DCC: variants seen among roughly 807,000 people sequenced by gnomAD.
DCC encodes the protein netrin receptor DCC.
In DCC, 58 loss-of-function variants were observed where a neutral mutation model predicts 172.5. That is an observed-to-expected ratio of 0.34 (90% CI 0.27 to 0.42). DCC has a LOEUF of 0.42. Among genes scored for constraint, DCC ranks in the 10% least tolerant of loss-of-function variants. DCC has a pLI of 1.00. For missense variants in DCC, 1,740 were observed against 1,791.0 expected (o/e 0.97, Z 0.51); for synonymous variants, 709 against 644.5 (o/e 1.10, Z -1.52).
At chr18:52,477,836 C>G (rs1005816892) in intron 1 of DCC, among the ~76,000 whole-genome samples, 5 of 152,124 alleles carry the variant, frequency 3.3e-5, no homozygotes, top group African/African-American at 1.2e-4. Flanking sequence ...CCAATAAACC[C>G]TAACTTTTTA....
At chr18:52,688,161 A>G (rs1599019834) in intron 1 of DCC, among the ~76,000 whole-genome samples, 1 of 151,614 alleles carries the variant, frequency 6.6e-6, no homozygotes, top group Admixed American at 6.6e-5. Context: ...ATAATTAACA[A>G]TGACTTTTGC....
At chr18:53,492,526 C>T (rs1440047320) in intron 26 of DCC, among the ~76,000 whole-genome samples, 1 of 152,180 alleles carries the variant, frequency 6.6e-6, no homozygotes, top group East Asian at 1.9e-4. Context: ...CTGCATATGG[C>T]TAGCCAGTTT....
chr18:53,520,181 C>T (rs2046384282), intron 27 of DCC, among the ~76,000 whole-genome samples: 1 of 152,098 alleles, frequency 6.6e-6, no homozygotes, highest in South Asian at 2.1e-4. Flanking sequence ...TCTAGGAAAG[C>T]TTCATGTGGA....
intron 1 of DCC, among the ~76,000 whole-genome samples, chr18:52,686,640 C>A (rs1185255346): frequency 6.6e-6 from 1 of 152,128 alleles, no homozygotes; most frequent in Non-Finnish European, 1.5e-5. Context: ...TGGACAATTT[C>A]TATTTCTTGT....
At chr18:53,526,835 G>C in intron 28 of DCC, 76 bp downstream of exon 28, 1 of 1,375,286 alleles carries the variant, frequency 7.3e-7, no homozygotes, top group Non-Finnish European at 1.0e-6. Context: ...CTAAACCAAT[G>C]AGTACTGTCC....
At chr18:52,397,394 G>A (rs943358010) in intron 1 of DCC, among the ~76,000 whole-genome samples, 1 of 151,974 alleles carries the variant, frequency 6.6e-6, no homozygotes, top group African/African-American at 2.4e-5. Flanking sequence ...CCTAGAGCAG[G>A]TCCTCACACA....
chr18:52,582,279 G>A (rs1224267466), intron 1 of DCC, among the ~76,000 whole-genome samples: 1 of 152,146 alleles, frequency 6.6e-6, no homozygotes, highest in Non-Finnish European at 1.5e-5. Flanking sequence ...CTATTTATGT[G>A]TTATTAGAAA....
intron 1 of DCC, among the ~76,000 whole-genome samples, chr18:52,637,188 T>G (rs576057051): frequency 3.3e-5 from 5 of 152,262 alleles, no homozygotes; most frequent in African/African-American, 1.2e-4. Context: ...GCCCTAGACC[T>G]TCCCTCTGAC....
At chr18:52,813,244 A>AAAGACATAGTTGTCTAGCCTTAACATTT (rs138749433) in intron 2 of DCC, among the ~76,000 whole-genome samples, 1 of 151,984 alleles carries the variant, frequency 6.6e-6, no homozygotes, top group African/African-American at 2.4e-5. Flanking sequence ...GTAGTTCACT[A>AAAGACATAGTTGTCTAGCCTTAACATTT]AATGCCACAT....
intron 12 of DCC, among the ~76,000 whole-genome samples, chr18:53,253,420 T>G (rs2056464956): frequency 6.6e-6 from 1 of 152,032 alleles, no homozygotes; most frequent in Non-Finnish European, 1.5e-5. Context: ...AAATAACTTG[T>G]CCAAGGCCAC....
At chr18:52,498,267 C>T (rs1018552768) in intron 1 of DCC, among the ~76,000 whole-genome samples, 6 of 152,212 alleles carry the variant, frequency 3.9e-5, no homozygotes, top group East Asian at 1.9e-4. Flanking sequence ...TTGGGTTGCC[C>T]TTGGTGCTTG....
At chr18:52,575,688 A>G (rs2033392959) in intron 1 of DCC, among the ~76,000 whole-genome samples, 2 of 152,168 alleles carry the variant, frequency 1.3e-5, no homozygotes, top group Admixed American at 1.3e-4. Context: ...TTGAAAAAGG[A>G]AGGCAATTTA....
chr18:52,598,073 G>A (rs983088654), intron 1 of DCC, among the ~76,000 whole-genome samples: 1 of 152,120 alleles, frequency 6.6e-6, no homozygotes, highest in African/African-American at 2.4e-5. Context: ...AGTAAAAATT[G>A]GATTCAAATT....
chr18:52,935,954 A>G (rs535624046), intron 5 of DCC, among the ~76,000 whole-genome samples: 4 of 152,214 alleles, frequency 2.6e-5, no homozygotes, highest in South Asian at 2.1e-4. Flanking sequence ...AGTCATATAC[A>G]TTTAATGATA....
chr18:53,087,815 A>C (rs1054186045), intron 7 of DCC, among the ~76,000 whole-genome samples: 9 of 152,098 alleles, frequency 5.9e-5, no homozygotes, highest in Non-Finnish European at 7.3e-5. Context: ...TCAGCTTTCT[A>C]CATATGGCTA....
chr18:53,033,896 G>T (rs140793144), intron 5 of DCC, among the ~76,000 whole-genome samples: 1 of 151,866 alleles, frequency 6.6e-6, no homozygotes, highest in African/African-American at 2.4e-5. Flanking sequence ...TTATTTCTCA[G>T]GCCCTAACTT....
chr18:52,862,535 TAAAAATAC>T (rs2039159566), intron 2 of DCC, among the ~76,000 whole-genome samples: 1 of 151,918 alleles, frequency 6.6e-6, no homozygotes, highest in African/African-American at 2.4e-5. Flanking sequence ...CCATCTCTAC[TAAAAATAC>T]AAAAATTAGC....
chr18:52,779,804 C>T (rs1378710147), intron 2 of DCC, among the ~76,000 whole-genome samples: 1 of 152,198 alleles, frequency 6.6e-6, no homozygotes, highest in East Asian at 1.9e-4. Context: ...TTCATATCCT[C>T]TCCAGCATCT....
chr18:53,175,220 A>G (rs1213076315), intron 8 of DCC, among the ~76,000 whole-genome samples: 1 of 152,150 alleles, frequency 6.6e-6, no homozygotes, highest in African/African-American at 2.4e-5. Context: ...AGCCAATATC[A>G]TACTGAATGG....
Sources: allele counts gnomAD v4.1 joint callset (sites outside exome capture counted in the v4.1 genomes callset), GRCh38; gene constraint gnomAD v4.1.1; transcripts MANE v1.5; gene names NCBI Gene and HGNC (gene_info 2026-07-23, HGNC 2026-07-21).